CEP112: variants seen among roughly 807,000 people sequenced by gnomAD.
CEP112 encodes centrosomal protein 112, also known as centrosomal protein of 112 kDa.
In CEP112, 127 loss-of-function variants were observed where a neutral mutation model predicts 153.0. The ratio of observed to expected loss-of-function variants is 0.83; its 90% CI spans 0.72 to 0.96. The LOEUF (loss-of-function observed/expected upper bound fraction) is 0.96, where lower values mean the gene tolerates loss of function less well. CEP112 is among the 40% of genes least tolerant of loss of function. CEP112 has a pLI of 0.00. For missense variants in CEP112, 1,089 were observed against 1,101.2 expected (o/e 0.99, Z 0.16); for synonymous variants, 358 against 374.4 (o/e 0.96, Z 0.51).
intron 21 of CEP112, among the ~76,000 whole-genome samples, chr17:65,773,355 T>G (rs1036534713): frequency 7.9e-5 from 12 of 152,222 alleles, no homozygotes; most frequent in African/African-American, 9.6e-5. Context: ...GACCTGAAAT[T>G]TGACCCTGTC....
At chr17:66,172,027 C>T (rs1357532883) in intron 4 of CEP112, among the ~76,000 whole-genome samples, 4 of 152,038 alleles carry the variant, frequency 2.6e-5, no homozygotes, top group Non-Finnish European at 4.4e-5. Context: ...AAAAAAAAAT[C>T]CTTTTAGGCC....
At chr17:65,920,359 C>CAAACAAACAAAAAAAAA (rs1178505560) in intron 19 of CEP112, among the ~76,000 whole-genome samples, 6 of 29,830 alleles carry the variant, frequency 2.0e-4, no homozygotes, top group African/African-American at 7.9e-4. Context: ...AACAAACAAA[C>CAAACAAACAAAAAAAAA]AAAATATATA....
rs200277391 is a variant in CEP112 at position 65,750,744 on chromosome 17, G to T, written c.2395-20C>A. On this transcript the variant is annotated intron_variant, in intron 21 of 26. Transcript: ENST00000535342. Reference sequence around the variant, plus strand: ...GTTGGCCTGAAAAACACATGTACATGAACACATACACAGTGACCTGTGAGC... The same window carrying T: ...GTTGGCCTGAAAAACACATGTACATTAACACATACACAGTGACCTGTGAGC... 1 of 1,610,794 alleles carries T rather than the reference G, an allele frequency of 6.2e-7. No homozygotes were observed. Among genetic ancestry groups the T allele is most frequent in the Admixed American group, 1.7e-5 (1 of 59,998 alleles).
intron 21 of CEP112, chr17:65,804,379 A>G (rs1278771860): frequency 6.6e-6 from 1 of 152,208 alleles, no homozygotes; most frequent in Non-Finnish European, 1.5e-5. Context: ...AGATGAATAC[A>G]TCTAATTACT....
intron 20 of CEP112, 71 bp downstream of exon 20, chr17:65,902,081 T>A: frequency 2.0e-6 from 2 of 1,010,886 alleles, no homozygotes; most frequent in South Asian, 2.0e-5. Context: ...ATAAGAATAA[T>A]AAGAAAACAT....
chr17:65,784,515 C>T (rs957918971), intron 21 of CEP112, among the ~76,000 whole-genome samples: 20 of 152,194 alleles, frequency 1.3e-4, no homozygotes, highest in African/African-American at 4.8e-4. Context: ...GAACCTCACT[C>T]TGTCGCCCAG....
At chr17:65,692,552 G>A (rs2048163554) in intron 23 of CEP112, among the ~76,000 whole-genome samples, 1 of 151,976 alleles carries the variant, frequency 6.6e-6, no homozygotes, top group Admixed American at 6.6e-5. Flanking sequence ...ACATATTTTT[G>A]TAACTTCAAA....
At chr17:66,024,527 A>T (rs2065122284) in intron 16 of CEP112, among the ~76,000 whole-genome samples, 1 of 152,124 alleles carries the variant, frequency 6.6e-6, no homozygotes, top group South Asian at 2.1e-4. Context: ...TATCAAAAAC[A>T]AGCTGAGAAC....
intron 18 of CEP112, among the ~76,000 whole-genome samples, chr17:65,953,035 T>G (rs1285518914): frequency 6.6e-6 from 1 of 152,206 alleles, no homozygotes; most frequent in Non-Finnish European, 1.5e-5. Flanking sequence ...ACATGTATTG[T>G]AAGCCTTGTC....
intron 23 of CEP112, among the ~76,000 whole-genome samples, chr17:65,692,748 A>G (rs2048171355): frequency 6.6e-6 from 1 of 151,986 alleles, no homozygotes; most frequent in Non-Finnish European, 1.5e-5. Context: ...ATTAATTTAC[A>G]TGTCTGGGTG....
At chr17:65,644,262 T>A in intron 24 of CEP112, 1 of 599,774 alleles carries the variant, frequency 1.7e-6, no homozygotes, top group Non-Finnish European at 3.0e-6. Context: ...CTTATCTGTT[T>A]AGAATGTCTA....
At chr17:65,937,633 C>G (rs1230960112) in intron 18 of CEP112, among the ~76,000 whole-genome samples, 1 of 99,318 alleles carries the variant, frequency 1.0e-5, no homozygotes, top group Non-Finnish European at 2.1e-5. Context: ...GTCAGCCCCC[C>G]GCCCGGCCAG....
intron 21 of CEP112, among the ~76,000 whole-genome samples, chr17:65,808,877 A>G (rs1363541085): frequency 1.3e-5 from 2 of 152,330 alleles, no homozygotes; most frequent in East Asian, 3.9e-4. Context: ...AGCAGTATAA[A>G]AATGAACCAA....
intron 1 of CEP112, among the ~76,000 whole-genome samples, chr17:66,185,405 TA>T (rs2072888041): frequency 6.6e-6 from 1 of 152,104 alleles, no homozygotes. Flanking sequence ...CTATTTTTAG[TA>T]GAGATGGGGT....
chr17:65,960,969 C>T (rs201202860), intron 18 of CEP112, among the ~76,000 whole-genome samples: 2 of 151,552 alleles, frequency 1.3e-5, no homozygotes, highest in East Asian at 3.9e-4. Context: ...TGTAATAATT[C>T]CCTTTATTCT....
chr17:66,164,787 A>G (rs1010156055), intron 4 of CEP112, among the ~76,000 whole-genome samples: 4 of 151,690 alleles, frequency 2.6e-5, no homozygotes, highest in African/African-American at 9.7e-5. Flanking sequence ...CACAGAAGGC[A>G]GAGGTTGTGG....
chr17:65,811,898 T>C (rs1224743457), intron 21 of CEP112, among the ~76,000 whole-genome samples: 1 of 152,196 alleles, frequency 6.6e-6, no homozygotes, highest in Non-Finnish European at 1.5e-5. Flanking sequence ...TGAAGTGGTA[T>C]TTTACTACTA....
intron 21 of CEP112, among the ~76,000 whole-genome samples, chr17:65,839,318 G>C (rs989964669): frequency 9.2e-5 from 14 of 152,108 alleles, no homozygotes; most frequent in African/African-American, 3.4e-4. Flanking sequence ...TCATGATCAA[G>C]TGGGATTTAT....
At chr17:65,787,576 G>T (rs1218194660) in intron 21 of CEP112, among the ~76,000 whole-genome samples, 4 of 152,106 alleles carry the variant, frequency 2.6e-5, no homozygotes, top group African/African-American at 4.8e-5. Flanking sequence ...GATACTTAAG[G>T]TATTCAAGAT....
Sources: gnomAD v4.1 joint callset for allele counts (sites outside exome capture counted in the v4.1 genomes callset) on GRCh38, gnomAD v4.1.1 for gene constraint, MANE v1.5 for transcripts, NCBI Gene and HGNC (gene_info 2026-07-23, HGNC 2026-07-21) for gene names.